CTDSPL: variants seen among roughly 807,000 people sequenced by gnomAD.
The protein encoded by CTDSPL is CTD small phosphatase like.
A neutral mutation model predicts 30.5 loss-of-function variants in CTDSPL; 8 were observed. The ratio of observed to expected loss-of-function variants is 0.26; its 90% CI spans 0.15 to 0.47. The LOEUF (loss-of-function observed/expected upper bound fraction) is 0.47, where lower values mean the gene tolerates loss of function less well. Among genes scored for constraint, CTDSPL ranks in the 20% least tolerant of loss-of-function variants. The probability of loss-of-function intolerance (pLI) is 0.99; values close to 1 mark genes in which losing one functional copy is unlikely to be tolerated. For synonymous variants in CTDSPL, 110 were observed against 137.9 expected (o/e 0.80, Z 1.42); for missense variants, 248 against 366.1 (o/e 0.68, Z 2.63).
intron 1 of CTDSPL, among the ~76,000 whole-genome samples, chr3:37,935,010 A>T (rs200093766): frequency 6.6e-6 from 1 of 152,278 alleles, no homozygotes; most frequent in South Asian, 2.1e-4. Flanking sequence ...GTATGTGTGC[A>T]TGTGCCTGAG....
chr3:37,935,292 A>G (rs1026543883), intron 1 of CTDSPL, among the ~76,000 whole-genome samples: 5 of 152,110 alleles, frequency 3.3e-5, no homozygotes, highest in Admixed American at 3.3e-4. Flanking sequence ...CATCGTCTAT[A>G]TGTTTTTATC....
chr3:37,930,665 A>G (rs751472718), intron 1 of CTDSPL, among the ~76,000 whole-genome samples: 13 of 152,176 alleles, frequency 8.5e-5, no homozygotes, highest in Non-Finnish European at 1.5e-4. Flanking sequence ...CATGTGATCT[A>G]TCCTGGAGAG....
chr3:37,902,609 T>C (rs1451458371), intron 1 of CTDSPL, among the ~76,000 whole-genome samples: 1 of 152,200 alleles, frequency 6.6e-6, no homozygotes, highest in East Asian at 1.9e-4. Flanking sequence ...TGCCCGCTTC[T>C]TCCTCTTGTT....
In CTDSPL at chr3:37,942,790, C is replaced by G. The variant is rs190770436; in HGVS notation, c.80-4267C>G. 5.0e-4 allele frequency among the ~76,000 whole-genome samples: 76 copies of G among 150,638 alleles called. 3 individuals are homozygous for G. Among genetic ancestry groups the G allele is most frequent in the African/African-American group, 1.8e-3 (73 of 41,452 alleles). The stretch of plus-strand genomic sequence containing the variant: ...ACTGAGGCACAAAGAAGTCACACAA[C>G]TTGCCCAGGTCCTGTACTGTTGCTG... On this transcript the variant is annotated intron_variant, in intron 1 of 7. Transcript: ENST00000273179.
intron 1 of CTDSPL, among the ~76,000 whole-genome samples, chr3:37,940,189 T>C (rs1698962436): frequency 6.6e-6 from 1 of 150,520 alleles, no homozygotes; most frequent in African/African-American, 2.4e-5. Context: ...CACTTTCCCA[T>C]CCTAACAAGA....
chr3:37,936,177 G>T (rs1020189681), intron 1 of CTDSPL, among the ~76,000 whole-genome samples: 3 of 152,138 alleles, frequency 2.0e-5, no homozygotes, highest in African/African-American at 7.2e-5. Flanking sequence ...ACTGCTGGAG[G>T]GACTACTGCC....
chr3:37,966,168 CCA>C (rs1453428098), intron 4 of CTDSPL, among the ~76,000 whole-genome samples: 1 of 152,204 alleles, frequency 6.6e-6, no homozygotes, highest in Non-Finnish European at 1.5e-5. Flanking sequence ...CTGGTAGCCC[CCA>C]GTGTCTCTAG....
At chr3:37,867,121 C>T (rs1169986531) in intron 1 of CTDSPL, among the ~76,000 whole-genome samples, 2 of 152,166 alleles carry the variant, frequency 1.3e-5, no homozygotes, top group Admixed American at 6.5e-5. Flanking sequence ...CCATGCCCAC[C>T]CTGCTCCATA....
chr3:37,890,049 C>G (rs1242085392), intron 1 of CTDSPL, among the ~76,000 whole-genome samples: 1 of 152,122 alleles, frequency 6.6e-6, no homozygotes, highest in Non-Finnish European at 1.5e-5. Flanking sequence ...AAACAGAACC[C>G]AGGAGCCAGA....
Position 37,975,247 on chromosome 3 carries a change from C to T in CTDSPL, c.520-462C>T, listed in dbSNP as rs1030935605. Among the ~76,000 whole-genome samples, 4 of 152,166 alleles carry T rather than the reference C, an allele frequency of 2.6e-5. No homozygotes were observed. Among genetic ancestry groups the T allele is most frequent in the African/African-American group, 4.8e-5 (2 of 41,424 alleles). ...CCATGTGGGACGCAGCAGTGAGGAACGTGGGCCTTACTCCAAGTGCGGTGT... is the reference window on the plus strand; with the variant it reads ...CCATGTGGGACGCAGCAGTGAGGAATGTGGGCCTTACTCCAAGTGCGGTGT... On this transcript the variant is annotated intron_variant, in intron 6 of 7. Coordinates refer to ENST00000273179, the MANE Select transcript of CTDSPL (RefSeq NM_001008392.2). This position sits in a 1 kb window ranked among gnomAD's most constrained non-coding sequence, Gnocchi z 4.9.
At chr3:37,914,927 G>T (rs1292880291) in intron 1 of CTDSPL, among the ~76,000 whole-genome samples, 1 of 126,906 alleles carries the variant, frequency 7.9e-6, no homozygotes, top group East Asian at 2.3e-4. Context: ...TGTTGCTTAG[G>T]CTGGATTGCA....
At chr3:37,939,777 C>T (rs941608222) in intron 1 of CTDSPL, among the ~76,000 whole-genome samples, 1 of 150,508 alleles carries the variant, frequency 6.6e-6, no homozygotes, top group Middle Eastern at 3.5e-3. Flanking sequence ...ATTAATGAAA[C>T]TTTCAGCCCA....
intron 1 of CTDSPL, among the ~76,000 whole-genome samples, chr3:37,929,246 G>T (rs1698821219): frequency 6.6e-6 from 1 of 152,114 alleles, no homozygotes; most frequent in African/African-American, 2.4e-5. Context: ...TATCATGATT[G>T]TTTTGGCTAT....
chr3:37,963,884 T>C (rs935287299), intron 3 of CTDSPL, among the ~76,000 whole-genome samples: 4 of 152,040 alleles, frequency 2.6e-5, no homozygotes, highest in African/African-American at 9.7e-5. Flanking sequence ...CCACATTTGC[T>C]CAGTATTCTA....
At chr3:37,896,722 A>T (rs1378238431) in intron 1 of CTDSPL, among the ~76,000 whole-genome samples, 3 of 152,078 alleles carry the variant, frequency 2.0e-5, no homozygotes, top group African/African-American at 7.2e-5. Flanking sequence ...AATTTCCTGT[A>T]GAGGCAGAGC....
At chr3:37,906,313 T>C (rs1698515044) in intron 1 of CTDSPL, among the ~76,000 whole-genome samples, 1 of 152,102 alleles carries the variant, frequency 6.6e-6, no homozygotes, top group Non-Finnish European at 1.5e-5. Context: ...GTCTCAGGGG[T>C]CCAGCAGCCT....
intron 1 of CTDSPL, among the ~76,000 whole-genome samples, chr3:37,881,489 A>G (rs1333884528): frequency 1.3e-5 from 2 of 152,232 alleles, no homozygotes; most frequent in African/African-American, 4.8e-5. Context: ...AGATCGCGCC[A>G]CTGCACTCCA....
rs77086970 is a variant in CTDSPL, at chr3:37,902,883, A to G, written c.79+40605A>G. 3.5e-3 allele frequency among the ~76,000 whole-genome samples: 540 copies of G among 152,258 alleles called. 5 individuals are homozygous for G. The highest frequency in any genetic ancestry group is 0.011 in the African/African-American group (460 of 41,538). ...CTCACTGGATCCCACATCCTCTCCAATACGTTACTCAGAGAGTTTCAGATG... is the reference window on the plus strand; with the variant it reads ...CTCACTGGATCCCACATCCTCTCCAGTACGTTACTCAGAGAGTTTCAGATG... On this transcript the variant is annotated intron_variant, in intron 1 of 7. Transcript: ENST00000273179.
At position 37,862,960 on chromosome 3, in the gene CTDSPL, T is replaced by G. The variant is rs1038004948; in HGVS notation, c.79+682T>G. 1.3e-5 allele frequency among the ~76,000 whole-genome samples: 2 copies of G among 152,222 alleles called. No homozygotes were observed. The highest frequency in any genetic ancestry group is 1.3e-4 in the Admixed American group (2 of 15,282). ...GTGTGTAAATTGTATACAATGAGGCTGTGTGCATCAGTGCACCTAACCACG... is the reference window on the plus strand; with the variant it reads ...GTGTGTAAATTGTATACAATGAGGCGGTGTGCATCAGTGCACCTAACCACG... On this transcript the variant is annotated intron_variant, in intron 1 of 7. Coordinates refer to ENST00000273179, the MANE Select transcript of CTDSPL (RefSeq NM_001008392.2). The surrounding 1 kb of genome is among the most constrained non-coding windows in gnomAD (Gnocchi z 4.3).
Sources: allele counts gnomAD v4.1 joint callset (sites outside exome capture counted in the v4.1 genomes callset), GRCh38; gene constraint gnomAD v4.1.1; non-coding constraint Gnocchi (gnomAD v3.1); transcripts MANE v1.5; gene names NCBI Gene and HGNC (gene_info 2026-07-23, HGNC 2026-07-21).